Variants in NPHP3 observed in about 807,000 individuals in gnomAD.
NPHP3 encodes the protein nephrocystin 3, also known as nephrocystin-3.
In NPHP3, 123 loss-of-function variants were observed where a neutral mutation model predicts 171.9. The observed-to-expected ratio is 0.72, with a 90% CI of 0.62 to 0.83. The LOEUF is 0.83. Ranked by LOEUF, NPHP3 falls within the 40% of genes least tolerant of loss-of-function variation. The pLI is 0.00. For synonymous variants in NPHP3, 558 were observed against 579.2 expected (o/e 0.96, Z 0.52); for missense variants, 1,506 against 1,591.9 (o/e 0.95, Z 0.92).
intron 4 of NPHP3, among the ~76,000 whole-genome samples, chr3:132,716,236 G>A (rs1301666519): frequency 1.3e-5 from 2 of 152,048 alleles, no homozygotes; most frequent in African/African-American, 2.4e-5. Flanking sequence ...TATATAAATA[G>A]TTGTTATACT....
intron 1 of NPHP3, among the ~76,000 whole-genome samples, chr3:132,720,424 G>A (rs528588152): frequency 6.6e-6 from 1 of 152,330 alleles, no homozygotes; most frequent in African/African-American, 2.4e-5. Flanking sequence ...GCCCTGTTTG[G>A]TTTGGCCTTT....
In NPHP3 at chr3:132,708,224, C is replaced by T. The variant is rs780209772; in HGVS notation, c.1152G>A (p.Leu384=). ...LLLEDCEEAF[L]KNPEGKPRLI... Reference sequence around the variant, plus strand: ...ATCGAGGTTTTCCTTCAGGGTTTTTCAGAAAAGCTTCTTCACAGTCTTCCA... The same window carrying T: ...ATCGAGGTTTTCCTTCAGGGTTTTTTAGAAAAGCTTCTTCACAGTCTTCCA... The change falls in exon 7 of 27, where the codon CTG becomes CTA. Residue 384 remains leucine, a synonymous_variant. Transcript: ENST00000337331. 1 of 1,614,160 alleles carries T rather than the reference C, an allele frequency of 6.2e-7. No individual in the cohort carries two copies. Among genetic ancestry groups the T allele is most frequent in the Non-Finnish European group, 8.5e-7 (1 of 1,180,018 alleles).
At chr3:132,699,203 A>ATTTTTTTTTT in intron 13 of NPHP3, 150 bp downstream of exon 13, 1 of 625,150 alleles carries the variant, frequency 1.6e-6, no homozygotes, top group Admixed American at 2.6e-5. Context: ...TATAGATTGT[A>ATTTTTTTTTT]TTTTTTTTTC....
At chr3:132,682,875 C>G in intron 25 of NPHP3, 57 bp from the exon 26 acceptor site, 1 of 1,039,308 alleles carries the variant, frequency 9.6e-7, no homozygotes, top group South Asian at 1.3e-5. Flanking sequence ...TTAATGTATT[C>G]TAGACTAAGC....
chr3:132,704,384 A>G lies in NPHP3; in HGVS notation c.1351-13T>C, dbSNP rs1939693220. ...AACCCAGTATGTCCTAAACACAAAG[A>G]ACAACCACACAAAAATGAATGAAGA... is the stretch of plus-strand genomic sequence containing the variant. On this transcript the variant is annotated splice_polypyrimidine_tract_variant and intron_variant, in intron 8 of 26. Coordinates refer to ENST00000337331, the MANE Select transcript of NPHP3 (RefSeq NM_153240.5). 6.2e-7 allele frequency: 1 copy of G among 1,613,998 alleles called. No homozygotes were observed. The highest frequency in any genetic ancestry group is 1.3e-5 in the African/African-American group (1 of 74,936).
chr3:132,686,532 TTGA>T (rs767541265), intron 22 of NPHP3, 145 bp from the exon 23 acceptor site: 27 of 845,710 alleles, frequency 3.2e-5, no homozygotes, highest in Non-Finnish European at 4.9e-5. Flanking sequence ...CTAAATTAAC[TTGA>T]TGATTACAAA....
At chr3:132,718,011 C>T (rs1280496422) in intron 3 of NPHP3, 2 of 435,940 alleles carry the variant, frequency 4.6e-6, no homozygotes, top group Non-Finnish European at 4.5e-6. Context: ...GCCTTGGCCT[C>T]CCAAAGTGCT....
chr3:132,684,671 A>G lies in NPHP3; in HGVS notation c.3453T>C (p.Tyr1151=). The stretch of plus-strand genomic sequence containing the variant: ...TTTCATAAAGTTCTTCTGCTTTATC[A>G]TACTGTTTCTTTTCATTGCATAGAG... ...LAALCNEKKQ[Y]DKAEELYERA... The change falls in exon 24 of 27, where the codon TAT becomes TAC. Residue 1151 remains tyrosine (Y), a synonymous_variant. Coordinates refer to ENST00000337331, the MANE Select transcript of NPHP3 (RefSeq NM_153240.5). 6.2e-7 allele frequency: 1 copy of G among 1,614,106 alleles called. No individual in the cohort carries two copies. The highest frequency in any genetic ancestry group is 8.5e-7 in the Non-Finnish European group (1 of 1,179,994).
chr3:132,701,761 G>A (rs1255930320), intron 9 of NPHP3, among the ~76,000 whole-genome samples: 5 of 152,200 alleles, frequency 3.3e-5, no homozygotes, highest in African/African-American at 4.8e-5. Flanking sequence ...GGTGGCTCAC[G>A]CCTGTAATCC....
At position 132,681,690 on chromosome 3, in the gene NPHP3, C is replaced by A. The variant is rs756922816; in HGVS notation, c.*220G>T. ...TCTTATAATTCTAATGTGTCTACATCCTTGGATACCATATAATAGGAAAAT... is the reference window on the plus strand; with the variant it reads ...TCTTATAATTCTAATGTGTCTACATACTTGGATACCATATAATAGGAAAAT... On this transcript the variant is annotated 3_prime_UTR_variant, in exon 27 of 27. Transcript: ENST00000337331. The A allele has an allele frequency of 9.5e-5, 52 of 547,658 alleles. No individual in the cohort carries two copies. Among genetic ancestry groups the A allele is most frequent in the Non-Finnish European group, 1.5e-4 (47 of 305,440 alleles). The allele number at this position is 547,658 out of a possible 1,614,324, so 33.9% of individuals were successfully genotyped here.
At position 132,701,511 on chromosome 3, in the gene NPHP3, A is replaced by C; in HGVS notation, c.1547T>G (p.Leu516Arg). 2 of 1,613,360 alleles carry C rather than the reference A, an allele frequency of 1.2e-6. No individual in the cohort carries two copies. Among genetic ancestry groups the C allele is most frequent in the Non-Finnish European group, 1.7e-6 (2 of 1,179,314 alleles). The change falls in exon 10 of 27, where the codon CTA becomes CGA. Residue 516 changes from leucine to arginine, a missense_variant. This residue lies in a region of NPHP3 where 930 missense variants were observed against 924.9 expected (regional missense o/e 1.01). Coordinates refer to ENST00000337331, the MANE Select transcript of NPHP3 (RefSeq NM_153240.5). The part of the protein sequence containing the change: ...FEKYYQRLND[L>R]VAAPAPIPPL... ...TGGAATCGGGGCTGGTGCTGCCACT[A>C]GATCATTAAGGCGTTGGTAATACTA...
At position 132,697,985 on chromosome 3, in the gene NPHP3, C is replaced by CT. The variant is rs753485150; in HGVS notation, c.1986-624dup. Among the ~76,000 whole-genome samples the CT allele has an allele frequency of 3.8e-3, 553 of 143,714 alleles. 2 individuals carry two copies. Among genetic ancestry groups the CT allele is most frequent in the East Asian group, 0.032 (160 of 4,968 alleles). The allele number at this position is 143,714 out of a possible 152,430, so 94.3% of individuals were successfully genotyped here. ...TGCTCCATGGGATCCAATTGCTCTA[C>CT]TTTTTTTTTTTTTTGAGGCAGAGTC... On this transcript the variant is annotated intron_variant, in intron 13 of 26. Coordinates refer to ENST00000337331, the MANE Select transcript of NPHP3 (RefSeq NM_153240.5).
At position 132,704,377 on chromosome 3, in the gene NPHP3, C is replaced by G; in HGVS notation, c.1351-6G>C. On this transcript the variant is annotated splice_polypyrimidine_tract_variant and splice_region_variant and intron_variant, in intron 8 of 26. Transcript: ENST00000337331. ...TTCTCAAAACCCAGTATGTCCTAAA[C>G]ACAAAGAACAACCACACAAAAATGA... is the stretch of plus-strand genomic sequence containing the variant. 6.2e-7 allele frequency: 1 copy of G among 1,614,078 alleles called. No homozygotes were observed. Among genetic ancestry groups the G allele is most frequent in the Non-Finnish European group, 8.5e-7 (1 of 1,179,966 alleles).
chr3:132,721,691 C>T (rs1341984086), intron 1 of NPHP3: 3 of 645,538 alleles, frequency 4.6e-6, no homozygotes, highest in East Asian at 3.0e-5. Context: ...AATCCCAGAA[C>T]TTTAGGAGGC....
rs531921170 is a variant in NPHP3 at position 132,681,093 on chromosome 3, G to A, written c.*817C>T. On this transcript the variant is annotated 3_prime_UTR_variant, in exon 27 of 27. Transcript: ENST00000337331. ...AAGTGCAGCAATCAGGGATTCTTGTGACTAATGTGTTTCACTGAAGACAAT... is the reference window on the plus strand; with the variant it reads ...AAGTGCAGCAATCAGGGATTCTTGTAACTAATGTGTTTCACTGAAGACAAT... 1 of 152,262 alleles carries A rather than the reference G, an allele frequency of 6.6e-6. No individual in the cohort carries two copies. The highest frequency in any genetic ancestry group is 1.5e-5 in the Non-Finnish European group (1 of 68,016). The allele number at this position is 152,262 out of a possible 1,614,324, so 9.4% of individuals were successfully genotyped here. A position where few individuals can be genotyped will look rare whatever the true frequency, so the allele number is the denominator to read the frequency against.
chr3:132,688,774 A>G lies in NPHP3; in HGVS notation c.3001T>C (p.Phe1001Leu). The stretch of plus-strand genomic sequence containing the variant: ...TTATACAGTTGTTCTGCATTGCCAA[A>G]CTTCTTCCACTGCACGTATACACTT... ...LASVYVQWKK[F>L]GNAEQLYKQA... The change falls in exon 21 of 27, where the codon TTT becomes CTT. Residue 1001 changes from phenylalanine to leucine, a missense_variant. By Grantham distance (22) the Phe-to-Leu change is conservative. Coordinates refer to ENST00000337331, the MANE Select transcript of NPHP3 (RefSeq NM_153240.5). 1 of 1,614,082 alleles carries G rather than the reference A, an allele frequency of 6.2e-7. No homozygotes were observed. Among genetic ancestry groups the G allele is most frequent in the Admixed American group, 1.7e-5 (1 of 60,008 alleles).
chr3:132,704,217 T>G lies in NPHP3; in HGVS notation c.1505A>C (p.His502Pro). The change falls in exon 9 of 27, where the codon CAT becomes CCT. Residue 502 changes from histidine to proline, a missense_variant. By Grantham distance (77) the His-to-Pro change is moderately conservative (BLOSUM62 -2). Coordinates refer to ENST00000337331, the MANE Select transcript of NPHP3 (RefSeq NM_153240.5). ...ACTTACTTTCTCAAATCCCAACTCA[T>G]GGGCTGAATTAGAAGCCTGCTGAAA... is the stretch of plus-strand genomic sequence containing the variant. Reference protein sequence around the residue: ...ETFQQASNSAHELGFEKYYQR... With the variant: ...ETFQQASNSAPELGFEKYYQR... The G allele has an allele frequency of 3.7e-6, 6 of 1,614,240 alleles. No individual in the cohort carries two copies. The highest frequency in any genetic ancestry group is 1.1e-5 in the South Asian group (1 of 91,086).
At position 132,715,112 on chromosome 3, in the gene NPHP3, G is replaced by T; in HGVS notation, c.930C>A (p.Thr310=). The change falls in exon 5 of 27, where the codon ACC becomes ACA. Residue 310 remains threonine (T), a synonymous_variant. Coordinates refer to ENST00000337331, the MANE Select transcript of NPHP3 (RefSeq NM_153240.5). ...TAAGGAAAAGATCCATCTCAGGCTG[G>T]GTTTCATCTGTATAAATGAGGTAAC... is the stretch of plus-strand genomic sequence containing the variant. ...VRCYLIYTDE[T]QPEMDLFLKD... The T allele has an allele frequency of 3.1e-6, 5 of 1,611,910 alleles. No homozygotes were observed. Among genetic ancestry groups the T allele is most frequent in the Non-Finnish European group, 3.4e-6 (4 of 1,178,260 alleles).
Position 132,680,817 on chromosome 3 carries a change from A to C in NPHP3, c.*1093T>G, listed in dbSNP as rs1402149956. 2 of 152,202 alleles carry C rather than the reference A, an allele frequency of 1.3e-5. No individual in the cohort carries two copies. The highest frequency in any genetic ancestry group is 2.9e-5 in the Non-Finnish European group (2 of 68,034). 9.4% of individuals were successfully genotyped at this position (152,202 alleles called of 1,614,324 possible). On this transcript the variant is annotated 3_prime_UTR_variant, in exon 27 of 27. Coordinates refer to ENST00000337331, the MANE Select transcript of NPHP3 (RefSeq NM_153240.5). The stretch of plus-strand genomic sequence containing the variant: ...TTAATTTTCAGTATGAAAATGGCAT[A>C]CTAATTTGAGTTTGAGGTAAATGAA...
Sources: allele counts gnomAD v4.1 joint callset (sites outside exome capture counted in the v4.1 genomes callset), GRCh38; gene constraint gnomAD v4.1.1; regional missense constraint gnomAD v4.1.1; transcripts MANE v1.5; gene names NCBI Gene and HGNC (gene_info 2026-07-23, HGNC 2026-07-21).